Variants in SIN3A observed in about 807,000 individuals in gnomAD.
SIN3A encodes SIN3 transcription regulator family member A.
Under a neutral mutation model 146.1 loss-of-function variants are expected in SIN3A, and 14 were observed. The observed-to-expected ratio is 0.10, with a 90% confidence interval of 0.06 to 0.15. The LOEUF (loss-of-function observed/expected upper bound fraction) is 0.15, where lower values mean the gene tolerates loss of function less well. Ranked by LOEUF, SIN3A falls within the 10% of genes least tolerant of loss-of-function variation. The pLI, the probability that SIN3A is intolerant of heterozygous loss-of-function variation, is 1.00. For missense variants in SIN3A, 1,028 were observed against 1,576.0 expected (o/e 0.65, Z 5.89); for synonymous variants, 572 against 572.0 (o/e 1.00, Z 0.00).
Position 75,399,541 on chromosome 15 carries a change from AAAACAAAC to A in SIN3A, c.1854+491_1854+498del, listed in dbSNP as rs143263622. On this transcript the variant is annotated intron_variant, in intron 12 of 20. Transcript: ENST00000394947. ...AGACTCCGTCTCAAAAAAACAAAAC[AAAACAAAC>A]AAACAAACAAACAAAAAACAACAAA... is the stretch of plus-strand genomic sequence containing the variant. Among the ~76,000 whole-genome samples the A allele has an allele frequency of 7.3e-4, 110 of 151,608 alleles. 2 individuals carry two copies. In the East Asian group the frequency reaches 0.015, roughly 21 times the overall value.
intron 1 of SIN3A, among the ~76,000 whole-genome samples, chr15:75,439,340 A>C (rs919021923): frequency 2.6e-5 from 4 of 151,538 alleles, no homozygotes; most frequent in African/African-American, 9.7e-5. Flanking sequence ...CAACTGTCAC[A>C]TATCTTTTTT....
chr15:75,435,184 A>C (rs1442608947), intron 1 of SIN3A, among the ~76,000 whole-genome samples: 4 of 152,222 alleles, frequency 2.6e-5, no homozygotes, highest in South Asian at 4.1e-4. Context: ...ATGAACTCTA[A>C]AACATACTAG....
chr15:75,433,220 C>CT (rs1428874377), intron 1 of SIN3A, among the ~76,000 whole-genome samples: 1 of 152,140 alleles, frequency 6.6e-6, no homozygotes, highest in Non-Finnish European at 1.5e-5. Context: ...ACTCCAAACT[C>CT]TATCTACCAT....
chr15:75,425,106 A>C (rs2073903181), intron 2 of SIN3A, among the ~76,000 whole-genome samples: 1 of 152,250 alleles, frequency 6.6e-6, no homozygotes, highest in Non-Finnish European at 1.5e-5. Context: ...CAAACCTTAG[A>C]CAACTAATAT....
chr15:75,435,842 T>G (rs1222513890), intron 1 of SIN3A, among the ~76,000 whole-genome samples: 1 of 152,152 alleles, frequency 6.6e-6, no homozygotes, highest in Non-Finnish European at 1.5e-5. Context: ...AAGAAAAATG[T>G]GCCTGGGCAC....
chr15:75,398,624 G>A (rs555786577), intron 12 of SIN3A, among the ~76,000 whole-genome samples: 1 of 150,970 alleles, frequency 6.6e-6, no homozygotes, highest in South Asian at 2.1e-4. Flanking sequence ...GTTGCAGTGA[G>A]CCGAGATCAC....
intron 16 of SIN3A, among the ~76,000 whole-genome samples, chr15:75,387,166 TATG>T (rs2073101122): frequency 6.6e-6 from 1 of 151,958 alleles, no homozygotes; most frequent in South Asian, 2.1e-4. Flanking sequence ...GAACACCAAA[TATG>T]AGGAGAATGA....
chr15:75,375,478 T>G (rs1178507591), intron 20 of SIN3A, among the ~76,000 whole-genome samples, 187 bp downstream of exon 20: 4 of 152,198 alleles, frequency 2.6e-5, no homozygotes, highest in Admixed American at 2.6e-4. Flanking sequence ...CTTTTGTCAT[T>G]TAAGCCACAG....
intron 1 of SIN3A, among the ~76,000 whole-genome samples, chr15:75,435,698 CAAA>C (rs59093415): frequency 1.6e-4 from 9 of 57,280 alleles, no homozygotes; most frequent in African/African-American, 2.1e-4. Context: ...AACTACGTCT[CAAA>C]AAAAAAAAAA....
intron 1 of SIN3A, among the ~76,000 whole-genome samples, chr15:75,449,582 ACG>A (rs1488217226): frequency 1.3e-5 from 2 of 152,244 alleles, no homozygotes; most frequent in East Asian, 3.8e-4. Flanking sequence ...CTGGAGGGCA[ACG>A]CTACAGAAGT....
Position 75,410,200 on chromosome 15 carries a change from G to C in SIN3A, c.1095C>G (p.Leu365=). 1 of 1,614,074 alleles carries C rather than the reference G, an allele frequency of 6.2e-7. No homozygotes were observed. Among genetic ancestry groups the C allele is most frequent in the Non-Finnish European group, 8.5e-7 (1 of 1,180,002 alleles). The change falls in exon 7 of 21, where the codon CTC becomes CTG. Residue 365 remains leucine, a synonymous_variant. Coordinates refer to ENST00000394947, the MANE Select transcript of SIN3A (RefSeq NM_001145358.2). The part of the protein sequence containing the change: ...EQEVYAQVAR[L]FKNQEDLLSE... ...ACAACAAATCTTCCTGGTTTTTAAA[G>C]AGACGAGCAACCTGGGCATACACCT...
At chr15:75,422,321 T>C (rs1183827200) in intron 3 of SIN3A, 1 of 582,958 alleles carries the variant, frequency 1.7e-6, no homozygotes, top group East Asian at 2.8e-5. Context: ...CAATCATATA[T>C]GTGCTCAATA....
At chr15:75,447,347 G>A (rs2141634961) in intron 1 of SIN3A, among the ~76,000 whole-genome samples, 1 of 152,296 alleles carries the variant, frequency 6.6e-6, no homozygotes, top group Non-Finnish European at 1.5e-5. Context: ...AAAATTTACT[G>A]ATGGACCACA....
At chr15:75,424,908 C>T (rs2073899528) in intron 2 of SIN3A, among the ~76,000 whole-genome samples, 2 of 152,140 alleles carry the variant, frequency 1.3e-5, no homozygotes, top group African/African-American at 4.8e-5. Flanking sequence ...TTAAGCCACA[C>T]TTCAACAATG....
intron 2 of SIN3A, among the ~76,000 whole-genome samples, chr15:75,427,474 G>A (rs562565077): frequency 2.0e-5 from 3 of 151,916 alleles, no homozygotes; most frequent in Non-Finnish European, 4.4e-5. Flanking sequence ...AGCCTGGCCA[G>A]CACAGCGAAA....
chr15:75,431,665 T>A (rs1025605779), intron 1 of SIN3A, among the ~76,000 whole-genome samples: 2 of 151,388 alleles, frequency 1.3e-5, no homozygotes, highest in Non-Finnish European at 2.9e-5. Flanking sequence ...AAAAAAAAAA[T>A]CTTTACCTAA....
At chr15:75,375,962 G>A in intron 19 of SIN3A, 90 bp from the exon 20 acceptor site, 1 of 1,262,528 alleles carries the variant, frequency 7.9e-7, no homozygotes, top group South Asian at 1.2e-5. Flanking sequence ...TTATATGCTT[G>A]CATAGTACTC....
chr15:75,378,418 G>C (rs1014334007), intron 19 of SIN3A, among the ~76,000 whole-genome samples: 26 of 152,114 alleles, frequency 1.7e-4, no homozygotes, highest in African/African-American at 3.4e-4. Context: ...TACAGAATCA[G>C]CCGGGCGTGG....
intron 11 of SIN3A, among the ~76,000 whole-genome samples, chr15:75,400,366 G>A (rs1040877863): frequency 2.6e-5 from 4 of 152,204 alleles, no homozygotes; most frequent in African/African-American, 9.6e-5. Flanking sequence ...TTGGGAGGAC[G>A]AAGCAGGAAG....
Sources: gnomAD v4.1 joint callset for allele counts (sites outside exome capture counted in the v4.1 genomes callset) on GRCh38, gnomAD v4.1.1 for gene constraint, MANE v1.5 for transcripts, NCBI Gene and HGNC (gene_info 2026-07-23, HGNC 2026-07-21) for gene names.